The following DUSP12 variants were observed in gnomAD, a reference collection of about 807,000 sequenced individuals.
The protein encoded by DUSP12 is dual specificity phosphatase 12.
DUSP12 carries 25 observed loss-of-function variants against 38.9 expected under a neutral mutation model. The ratio of observed to expected loss-of-function variants is 0.64; its 90% CI spans 0.47 to 0.90. DUSP12 has a LOEUF of 0.90. Ranked by LOEUF, DUSP12 falls within the 40% of genes least tolerant of loss-of-function variation. The pLI is 0.00. For synonymous variants in DUSP12, 153 were observed against 153.9 expected (o/e 0.99, Z 0.05); for missense variants, 403 against 427.0 (o/e 0.94, Z 0.50).
chr1:161,755,852 T>C (rs1319383284), intron 5 of DUSP12, among the ~76,000 whole-genome samples: 1 of 152,222 alleles, frequency 6.6e-6, no homozygotes, highest in African/African-American at 2.4e-5. Flanking sequence ...TTTTTATTTA[T>C]GGCTTCTGAA....
intron 1 of DUSP12, 196 bp from the exon 2 acceptor site, chr1:161,751,472 T>C (rs760148117): frequency 9.8e-6 from 6 of 614,678 alleles, no homozygotes; most frequent in African/African-American, 1.9e-5. Context: ...AGGTAATAGA[T>C]TCACGTGGTT....
rs1683991036 is a variant in DUSP12, at chr1:161,750,069, C to G, written c.268C>G (p.Leu90Val). 6.2e-7 allele frequency: 1 copy of G among 1,614,050 alleles called. No homozygotes were observed. Among genetic ancestry groups the G allele is most frequent in the African/African-American group, 1.3e-5 (1 of 75,070 alleles). ...VPALDKPETD[L>V]LSHLDRCVAF... The stretch of plus-strand genomic sequence containing the variant: ...AGCGCTGGACAAACCCGAGACGGAC[C>G]TACTCAGCCATCTGGACCGGTGCGT... The change falls in exon 1 of 6, where the codon CTA (leucine) becomes GTA (valine). Residue 90 changes from leucine (L) to valine (V), a missense_variant. By Grantham distance (32) the Leu-to-Val change is conservative. Transcript: ENST00000367943.
intron 1 of DUSP12, 105 bp downstream of exon 1, chr1:161,750,250 C>G (rs1270607199): frequency 2.4e-6 from 3 of 1,250,386 alleles, no homozygotes; most frequent in African/African-American, 1.5e-5. Flanking sequence ...GCGGTCATGC[C>G]GCGTGAACCT....
rs373345061 is a variant in DUSP12, at chr1:161,757,063, T to C, written c.*116T>C. On this transcript the variant is annotated 3_prime_UTR_variant, in exon 6 of 6. Transcript: ENST00000367943. ...ACATTTCATTTGAAATGGGAGAAGA[T>C]AAAATCACTTGATGTAACCTGGAAA... 68 of 1,009,318 alleles carry C rather than the reference T, an allele frequency of 6.7e-5. No individual in the cohort carries two copies. The East Asian group carries it at 7.1e-4, about 11-fold the overall frequency. The allele number at this position is 1,009,318 out of a possible 1,614,324, so 62.5% of individuals were successfully genotyped here.
At chr1:161,752,695 A>G (rs1469942753) in intron 4 of DUSP12, among the ~76,000 whole-genome samples, 1 of 152,186 alleles carries the variant, frequency 6.6e-6, no homozygotes, top group Non-Finnish European at 1.5e-5. Context: ...TCTCTAAGCA[A>G]TATTGCACAT....
At chr1:161,752,648 AAATTTAAGTAGTGTAATC>A (rs1684043300) in intron 4 of DUSP12, among the ~76,000 whole-genome samples, 184 bp downstream of exon 4, 1 of 152,234 alleles carries the variant, frequency 6.6e-6, no homozygotes, top group African/African-American at 2.4e-5. Context: ...GGGTTATTGA[AAATTTAAGTAGTGTAATC>A]AATGTTACAT....
intron 5 of DUSP12, 54 bp downstream of exon 5, chr1:161,753,315 C>A (rs1306569438): frequency 2.1e-6 from 3 of 1,395,910 alleles, no homozygotes; most frequent in Non-Finnish European, 1.9e-6. Context: ...TATTTTATTC[C>A]TTCTTGCATT....
At chr1:161,755,699 C>T (rs138137653) in intron 5 of DUSP12, among the ~76,000 whole-genome samples, 77 of 152,268 alleles carry the variant, frequency 5.1e-4, no homozygotes, top group African/African-American at 1.7e-3. Context: ...CTTTCTTACT[C>T]ATTTGTAGGA....
Position 161,749,792 on chromosome 1 carries a change from G to T in DUSP12, c.-10G>T. ...TAGGGCAGGAAGCCGCCTTGTCTCT[G>T]GGCGCGGCCATGTTGGAGGCTCCGG... On this transcript the variant is annotated 5_prime_UTR_variant, in exon 1 of 6. Transcript: ENST00000367943. 6.4e-7 allele frequency: 1 copy of T among 1,560,782 alleles called. No individual in the cohort carries two copies. Among genetic ancestry groups the T allele is most frequent in the Non-Finnish European group, 8.7e-7 (1 of 1,154,642 alleles).
In DUSP12 at chr1:161,753,274, T is replaced by C. The variant is rs1249228232; in HGVS notation, c.861+13T>C. ...GATGGATGGACAGGTGAGAACACATTTTATTTTCTACAATTTTATTTTATG... is the reference window on the plus strand; with the variant it reads ...GATGGATGGACAGGTGAGAACACATCTTATTTTCTACAATTTTATTTTATG... On this transcript the variant is annotated intron_variant, in intron 5 of 5. Transcript: ENST00000367943. The C allele has an allele frequency of 6.5e-7, 1 of 1,533,404 alleles. No homozygotes were observed. The highest frequency in any genetic ancestry group is 1.4e-5 in the African/African-American group (1 of 71,566). 95.0% of individuals were successfully genotyped at this position (1,533,404 alleles called of 1,614,324 possible).
At chr1:161,756,482 G>GATATATAT (rs1225002519) in intron 5 of DUSP12, among the ~76,000 whole-genome samples, 8 of 68,712 alleles carry the variant, frequency 1.2e-4, no homozygotes, top group Non-Finnish European at 2.0e-4. Context: ...TGATTTAAAA[G>GATATATAT]CTATATATAT....
chr1:161,749,828 T>A lies in DUSP12; in HGVS notation c.27T>A (p.Asp9Glu). 1 of 1,589,098 alleles carries A rather than the reference T, an allele frequency of 6.3e-7. No homozygotes were observed. Among genetic ancestry groups the A allele is most frequent in the Non-Finnish European group, 8.6e-7 (1 of 1,168,342 alleles). ...TGTTGGAGGCTCCGGGCCCGAGTGA[T>A]GGCTGCGAGCTCAGCAACCCCAGCG... MLEAPGPS[D>E]GCELSNPSAS... is the part of the protein sequence containing the mutation. The change falls in exon 1 of 6, where the codon GAT (aspartate) becomes GAA (glutamate). Residue 9 changes from aspartate to glutamate, a missense_variant. Transcript: ENST00000367943.
Position 161,752,457 on chromosome 1 carries a change from A to G in DUSP12, c.667A>G (p.Lys223Glu), listed in dbSNP as rs146599576. 1 of 1,602,174 alleles carries G rather than the reference A, an allele frequency of 6.2e-7. No homozygotes were observed. The highest frequency in any genetic ancestry group is 1.3e-5 in the African/African-American group (1 of 74,586). ...LKDEVLYKCRKCRRSLFRSSS... is the reference protein window; with the variant it reads ...LKDEVLYKCRECRRSLFRSSS... ...AGATGAGGTTCTCTACAAGTGTAGA[A>G]AGTGCAGGTAAACTATTTTATATCC... Residue 223 changes from lysine to glutamate, a missense_variant, in exon 4 of 6, where the codon AAG (lysine) becomes GAG (glutamate). Coordinates refer to ENST00000367943, the MANE Select transcript of DUSP12 (RefSeq NM_007240.3).
rs757031203 is a variant in DUSP12 at position 161,752,329 on chromosome 1, G to C, written c.578-39G>C. On this transcript the variant is annotated intron_variant, in intron 3 of 5. Transcript: ENST00000367943. ...TGAATTTATCTGAAAATGCAGAGTTGATTTTGACAAATAAATACATTTTAA... is the reference window on the plus strand; with the variant it reads ...TGAATTTATCTGAAAATGCAGAGTTCATTTTGACAAATAAATACATTTTAA... 10 of 1,428,494 alleles carry C rather than the reference G, an allele frequency of 7.0e-6. No homozygotes were observed. The South Asian group carries it at 1.2e-4, about 17-fold the overall frequency. 88.5% of individuals were successfully genotyped at this position (1,428,494 alleles called of 1,614,324 possible). A position where few individuals can be genotyped will look rare whatever the true frequency, so the allele number is the denominator to read the frequency against.
chr1:161,751,571 G>A, intron 1 of DUSP12, 97 bp from the exon 2 acceptor site: 1 of 1,428,816 alleles, frequency 7.0e-7, no homozygotes, highest in Non-Finnish European at 9.4e-7. Context: ...AAAATGAAGT[G>A]GGCCTAAACT....
intron 3 of DUSP12, 25 bp from the exon 4 acceptor site, chr1:161,752,335 GACAAATAA>G: frequency 6.8e-7 from 1 of 1,463,488 alleles, no homozygotes; most frequent in South Asian, 1.2e-5. Flanking sequence ...AGTTGATTTT[GACAAATAA>G]ATACATTTTA....
Position 161,750,148 on chromosome 1 carries a change from G to T in DUSP12, c.344+3G>T, listed in dbSNP as rs1464020467. Reference sequence around the variant, plus strand: ...GGCCGTGCGGTGTTGGTGCACTGGTGAGTGGCCGGGTCAGTGGGTGACGTG... The same window carrying T: ...GGCCGTGCGGTGTTGGTGCACTGGTTAGTGGCCGGGTCAGTGGGTGACGTG... On this transcript the variant is annotated splice_donor_region_variant and intron_variant, in intron 1 of 5. Coordinates refer to ENST00000367943, the MANE Select transcript of DUSP12 (RefSeq NM_007240.3). The T allele has an allele frequency of 6.2e-7, 1 of 1,608,286 alleles. No homozygotes were observed. Among genetic ancestry groups the T allele is most frequent in the Admixed American group, 1.7e-5 (1 of 58,430 alleles).
intron 5 of DUSP12, among the ~76,000 whole-genome samples, chr1:161,755,386 G>A (rs573473873): frequency 1.4e-4 from 22 of 152,036 alleles, no homozygotes; most frequent in Admixed American, 6.5e-4. Flanking sequence ...TTCCTGGCTC[G>A]AAGAATGTAT....
intron 1 of DUSP12, chr1:161,751,386 C>T (rs1409316377): frequency 1.2e-5 from 3 of 243,244 alleles, no homozygotes; most frequent in Non-Finnish European, 2.4e-5. Context: ...AGGTAAGCCA[C>T]TGTGTCTAGC....
Sources: gnomAD v4.1 joint callset for allele counts (sites outside exome capture counted in the v4.1 genomes callset) on GRCh38, gnomAD v4.1.1 for gene constraint, MANE v1.5 for transcripts, NCBI Gene and HGNC (gene_info 2026-07-23, HGNC 2026-07-21) for gene names.